The following FAM13C variants were observed in gnomAD, a reference collection of about 807,000 sequenced individuals.
The protein encoded by FAM13C is protein FAM13C.
FAM13C carries 37 observed loss-of-function variants against 73.2 expected under a neutral mutation model. The observed-to-expected ratio is 0.51, with a 90% confidence interval of 0.39 to 0.67. The LOEUF is 0.67. Among genes scored for constraint, FAM13C ranks in the 30% least tolerant of loss-of-function variants. The pLI is 0.00. For synonymous variants in FAM13C, 246 were observed against 260.9 expected (o/e 0.94, Z 0.55); for missense variants, 589 against 715.6 (o/e 0.82, Z 2.02).
chr10:59,302,834 C>A lies in FAM13C; in HGVS notation c.474G>T (p.Lys158Asn). The change falls in exon 5 of 14, where the codon AAG becomes AAT. Residue 158 changes from lysine to asparagine, a missense_variant. Coordinates refer to ENST00000618804, the MANE Select transcript of FAM13C (RefSeq NM_198215.4). ...AGTCCTGCCGAGTTTCAAAAGCATC[C>A]TTTGGCGAAATGGCAGTCCTCTGGT... is the stretch of plus-strand genomic sequence containing the variant. ...RIDQRTAISP[K>N]DAFETRQDLN... 5 of 1,614,098 alleles carry A rather than the reference C, an allele frequency of 3.1e-6. No homozygotes were observed. Among genetic ancestry groups the A allele is most frequent in the Non-Finnish European group, 4.2e-6 (5 of 1,179,984 alleles).
rs542388171 is a variant in FAM13C at position 59,281,707 on chromosome 10, C to A, written c.592+1656G>T. 2.6e-5 allele frequency among the ~76,000 whole-genome samples: 4 copies of A among 152,280 alleles called. No individual in the cohort carries two copies. The East Asian group carries it at 7.7e-4, about 29-fold the overall frequency. The stretch of plus-strand genomic sequence containing the variant: ...TATAACAAGTGATAATAAGCTTGTA[C>A]AAAATCTTGCCCATGCCGAATTAGA... On this transcript the variant is annotated intron_variant, in intron 6 of 13. Coordinates refer to ENST00000618804, the MANE Select transcript of FAM13C (RefSeq NM_198215.4).
chr10:59,333,785 T>C (rs1044152321), intron 3 of FAM13C, among the ~76,000 whole-genome samples: 1 of 152,198 alleles, frequency 6.6e-6, no homozygotes, highest in Non-Finnish European at 1.5e-5. Flanking sequence ...AATCCAAATT[T>C]ACCATCACAA....
intron 4 of FAM13C, among the ~76,000 whole-genome samples, chr10:59,310,775 C>A (rs920290761): frequency 1.3e-5 from 2 of 152,170 alleles, no homozygotes; most frequent in Non-Finnish European, 2.9e-5. Context: ...CTTCCCCAAC[C>A]ACCACCTCCC....
intron 5 of FAM13C, among the ~76,000 whole-genome samples, chr10:59,284,031 A>ATGTGTGTGTTTG (rs1845249055): frequency 6.7e-6 from 1 of 149,014 alleles, no homozygotes; most frequent in African/African-American, 2.5e-5. Flanking sequence ...ATGCTGGGGT[A>ATGTGTGTGTTTG]TGTGTGTGTG....
In FAM13C at chr10:59,362,535, G is replaced by T. The variant is rs1179297135; in HGVS notation, c.-75C>A. On this transcript the variant is annotated 5_prime_UTR_variant, in exon 1 of 14. Transcript: ENST00000618804. ...AGAGCACATACACAAACATGGCATTGCAAGGCAAGTCTCCGGGCTCGCCCG... is the reference window on the plus strand; with the variant it reads ...AGAGCACATACACAAACATGGCATTTCAAGGCAAGTCTCCGGGCTCGCCCG... 16 of 1,580,598 alleles carry T rather than the reference G, an allele frequency of 1.0e-5. No homozygotes were observed. In the East Asian group the frequency reaches 1.8e-4, roughly 18 times the overall value.
intron 6 of FAM13C, among the ~76,000 whole-genome samples, chr10:59,277,233 T>C (rs1345625408): frequency 6.6e-6 from 1 of 152,136 alleles, no homozygotes; most frequent in Non-Finnish European, 1.5e-5. Context: ...TCTGATAGAA[T>C]ATACTGATAT....
chr10:59,254,922 A>G (rs1396236894), intron 10 of FAM13C, among the ~76,000 whole-genome samples: 1 of 152,138 alleles, frequency 6.6e-6, no homozygotes, highest in Admixed American at 6.6e-5. Context: ...TACTGTATGT[A>G]GCACATGCCA....
At chr10:59,334,006 C>T (rs915893369) in intron 3 of FAM13C, among the ~76,000 whole-genome samples, 2 of 152,146 alleles carry the variant, frequency 1.3e-5, no homozygotes, top group African/African-American at 4.8e-5. Context: ...CTTTTAAAGA[C>T]ATTGTGGAAG....
At chr10:59,263,413 C>T (rs533777913) in intron 9 of FAM13C, among the ~76,000 whole-genome samples, 7 of 152,260 alleles carry the variant, frequency 4.6e-5, no homozygotes, top group Admixed American at 2.6e-4. Flanking sequence ...CACATCATTA[C>T]AGTTTAATAC....
chr10:59,344,741 GA>G (rs1185165633), intron 3 of FAM13C, among the ~76,000 whole-genome samples: 1 of 152,200 alleles, frequency 6.6e-6, no homozygotes, highest in African/African-American at 2.4e-5. Flanking sequence ...CACACAGAAA[GA>G]AAGTAGCAGA....
intron 6 of FAM13C, among the ~76,000 whole-genome samples, chr10:59,281,980 A>G (rs186658973): frequency 3.3e-4 from 50 of 152,290 alleles, no homozygotes; most frequent in African/African-American, 1.1e-3. Flanking sequence ...AGGGAAGAAA[A>G]GGGATGTTGT....
chr10:59,327,567 C>CCT (rs1851339944), intron 3 of FAM13C: 1 of 115,524 alleles, frequency 8.7e-6, no homozygotes, highest in African/African-American at 3.8e-5. Context: ...TTGTCCCCAC[C>CCT]CCCCCACCAA....
chr10:59,307,969 C>T (rs1402677644), intron 4 of FAM13C, among the ~76,000 whole-genome samples: 4 of 152,242 alleles, frequency 2.6e-5, no homozygotes, highest in East Asian at 3.9e-4. Flanking sequence ...TCTCAAACTC[C>T]CTTCTTTTTA....
intron 10 of FAM13C, among the ~76,000 whole-genome samples, chr10:59,256,890 C>G (rs1440879998): frequency 6.6e-6 from 1 of 152,186 alleles, no homozygotes; most frequent in African/African-American, 2.4e-5. Flanking sequence ...TTCAATGGCT[C>G]TCTCTTTCTG....
chr10:59,326,367 A>G (rs1851131473), intron 3 of FAM13C, among the ~76,000 whole-genome samples: 1 of 152,152 alleles, frequency 6.6e-6, no homozygotes, highest in African/African-American at 2.4e-5. Context: ...TCAAGATGGT[A>G]TGGAGAATTG....
intron 6 of FAM13C, among the ~76,000 whole-genome samples, chr10:59,271,083 A>T (rs544436450): frequency 2.0e-5 from 3 of 152,276 alleles, no homozygotes; most frequent in Non-Finnish European, 4.4e-5. Context: ...TCTGCACCCT[A>T]GGCTCTGTAC....
chr10:59,291,875 A>G (rs1195829693), intron 5 of FAM13C, among the ~76,000 whole-genome samples: 8 of 125,032 alleles, frequency 6.4e-5, no homozygotes, highest in Admixed American at 1.0e-4. Context: ...TGCAAGCTCC[A>G]CCTCCTGGGT....
chr10:59,294,895 A>T (rs1299665322), intron 5 of FAM13C, among the ~76,000 whole-genome samples: 1 of 152,260 alleles, frequency 6.6e-6, no homozygotes, highest in Non-Finnish European at 1.5e-5. Flanking sequence ...GCAGGGGTCC[A>T]GCAGAGAGGA....
At chr10:59,317,761 T>C (rs1372753596) in intron 4 of FAM13C, among the ~76,000 whole-genome samples, 2 of 152,156 alleles carry the variant, frequency 1.3e-5, no homozygotes, top group Non-Finnish European at 2.9e-5. Context: ...ATTATTATTA[T>C]ACTTTAAGTT....
Sources: allele counts gnomAD v4.1 joint callset (sites outside exome capture counted in the v4.1 genomes callset), GRCh38; gene constraint gnomAD v4.1.1; transcripts MANE v1.5; gene names NCBI Gene and HGNC (gene_info 2026-07-23, HGNC 2026-07-21).